HS3ST5: variants seen among roughly 807,000 people sequenced by gnomAD.
HS3ST5 encodes heparan sulfate glucosamine 3-O-sulfotransferase 5.
A neutral mutation model predicts 25.4 loss-of-function variants in HS3ST5; 10 were observed. That is an observed-to-expected ratio of 0.39 (90% CI 0.24 to 0.67). HS3ST5 has a LOEUF of 0.67. Among genes scored for constraint, HS3ST5 ranks in the 30% least tolerant of loss-of-function variants. HS3ST5 has a pLI of 0.44. For missense variants in HS3ST5, 324 were observed against 420.7 expected, an observed-to-expected ratio of 0.77 and a Z score of 2.01; for synonymous variants, 170 against 162.4, an observed-to-expected ratio of 1.05 and a Z score of -0.36.
intron 1 of HS3ST5, among the ~76,000 whole-genome samples, chr6:114,252,681 A>T (rs897535173): frequency 6.6e-5 from 10 of 152,174 alleles, no homozygotes; most frequent in South Asian, 2.1e-4. Context: ...ACTCCAATTT[A>T]AGGCTGATCC....
intron 3 of HS3ST5, among the ~76,000 whole-genome samples, chr6:114,165,248 T>C (rs1244676589): frequency 6.6e-6 from 1 of 152,146 alleles, no homozygotes; most frequent in Non-Finnish European, 1.5e-5. Context: ...ATACCTACAT[T>C]TTAAAACATG....
chr6:114,150,583 C>G (rs1778401625), intron 3 of HS3ST5, among the ~76,000 whole-genome samples: 1 of 152,172 alleles, frequency 6.6e-6, no homozygotes, highest in Non-Finnish European at 1.5e-5. Flanking sequence ...ATGTCATTTT[C>G]ATTCAAGAGA....
chr6:114,089,712 TATTA>T (rs1373214031), intron 3 of HS3ST5, among the ~76,000 whole-genome samples: 4 of 152,334 alleles, frequency 2.6e-5, no homozygotes, highest in African/African-American at 9.6e-5. Flanking sequence ...TGCTTCTCAT[TATTA>T]ATTGTATTGG....
chr6:114,212,724 G>C (rs1290111807), intron 2 of HS3ST5, among the ~76,000 whole-genome samples: 1 of 152,120 alleles, frequency 6.6e-6, no homozygotes, highest in Non-Finnish European at 1.5e-5. Context: ...CTCTTAACTT[G>C]CCTGTTTCAG....
At chr6:114,330,042 T>TC (rs2114912173) in intron 1 of HS3ST5, among the ~76,000 whole-genome samples, 1 of 152,298 alleles carries the variant, frequency 6.6e-6, no homozygotes, top group East Asian at 1.9e-4. Flanking sequence ...AGATGCACAG[T>TC]CCGGTGGGAG....
intron 3 of HS3ST5, among the ~76,000 whole-genome samples, chr6:114,114,716 C>T (rs887842320): frequency 2.0e-5 from 3 of 151,884 alleles, no homozygotes; most frequent in Non-Finnish European, 2.9e-5. Context: ...AGTATAATAT[C>T]TAAATGAAGC....
intron 2 of HS3ST5, among the ~76,000 whole-genome samples, chr6:114,171,035 C>T (rs142048872): frequency 1.8e-4 from 27 of 152,238 alleles, no homozygotes; most frequent in Non-Finnish European, 3.2e-4. Flanking sequence ...GGGTCTCTGG[C>T]ATAGCTAATG....
intron 3 of HS3ST5, among the ~76,000 whole-genome samples, chr6:114,165,889 T>C (rs1222612839): frequency 6.6e-6 from 1 of 152,078 alleles, no homozygotes; most frequent in Non-Finnish European, 1.5e-5. Context: ...GTATGTAAAG[T>C]TAAAAACCTA....
chr6:114,210,921 A>G (rs902570497), intron 2 of HS3ST5, among the ~76,000 whole-genome samples: 2 of 152,206 alleles, frequency 1.3e-5, no homozygotes, highest in Non-Finnish European at 2.9e-5. Context: ...GTCCCGCACT[A>G]TATCTTACCT....
chr6:114,200,309 C>A (rs1780953763), intron 2 of HS3ST5, among the ~76,000 whole-genome samples: 1 of 152,200 alleles, frequency 6.6e-6, no homozygotes, highest in South Asian at 2.1e-4. Context: ...CATAGTGTCA[C>A]ACTATGTGTG....
chr6:114,286,859 G>A (rs189300527), intron 1 of HS3ST5, among the ~76,000 whole-genome samples: 117 of 151,872 alleles, frequency 7.7e-4, no homozygotes, highest in Admixed American at 1.6e-3. Flanking sequence ...AAAACAACTC[G>A]CATTTTTGTC....
intron 1 of HS3ST5, among the ~76,000 whole-genome samples, chr6:114,313,753 T>C (rs985918359): frequency 6.6e-6 from 1 of 152,178 alleles, no homozygotes; most frequent in African/African-American, 2.4e-5. Context: ...GTACATAGAT[T>C]TGTCATAACT....
At chr6:114,266,038 C>T (rs553539956) in intron 1 of HS3ST5, among the ~76,000 whole-genome samples, 1 of 152,262 alleles carries the variant, frequency 6.6e-6, no homozygotes, top group South Asian at 2.1e-4. Context: ...CAGTTTCACC[C>T]AAATATCCCA....
chr6:114,314,573 A>C (rs1243444252), intron 1 of HS3ST5, among the ~76,000 whole-genome samples: 1 of 152,202 alleles, frequency 6.6e-6, no homozygotes. Context: ...AAGTCCCTGA[A>C]GTTCATAGAA....
intron 3 of HS3ST5, among the ~76,000 whole-genome samples, chr6:114,073,784 T>C (rs1025999161): frequency 6.6e-6 from 1 of 152,152 alleles, no homozygotes; most frequent in Non-Finnish European, 1.5e-5. Flanking sequence ...GACCCAGCAA[T>C]CCCATTACTG....
intron 3 of HS3ST5, among the ~76,000 whole-genome samples, chr6:114,093,225 C>A (rs1775223961): frequency 6.6e-6 from 1 of 152,110 alleles, no homozygotes; most frequent in African/African-American, 2.4e-5. Context: ...GTTAAAGAAC[C>A]TGGCTTTCAG....
chr6:114,262,819 G>T (rs1366948525), intron 1 of HS3ST5, among the ~76,000 whole-genome samples: 1 of 152,052 alleles, frequency 6.6e-6, no homozygotes, highest in Non-Finnish European at 1.5e-5. Context: ...AAATCTCTTT[G>T]TTGAATGAGT....
intron 3 of HS3ST5, among the ~76,000 whole-genome samples, chr6:114,074,680 C>T (rs1774017290): frequency 6.6e-6 from 1 of 152,124 alleles, no homozygotes; most frequent in Non-Finnish European, 1.5e-5. Context: ...TACCCTGCCA[C>T]TGACTATGTT....
intron 1 of HS3ST5, among the ~76,000 whole-genome samples, chr6:114,322,383 T>G (rs1459988936): frequency 6.6e-6 from 1 of 152,158 alleles, no homozygotes; most frequent in Non-Finnish European, 1.5e-5. Flanking sequence ...TAATCAGGTT[T>G]GAAAGAGACA....
Sources: allele counts gnomAD v4.1 joint callset (sites outside exome capture counted in the v4.1 genomes callset), GRCh38; gene constraint gnomAD v4.1.1; transcripts MANE v1.5; gene names NCBI Gene and HGNC (gene_info 2026-07-23, HGNC 2026-07-21).